GALNTL6: variants seen among roughly 807,000 people sequenced by gnomAD.
GALNTL6 encodes the protein polypeptide N-acetylgalactosaminyltransferase like 6.
In GALNTL6, 46 loss-of-function variants were observed where a neutral mutation model predicts 73.7. The ratio of observed to expected loss-of-function variants is 0.62; its 90% CI spans 0.49 to 0.80. The LOEUF (loss-of-function observed/expected upper bound fraction) is 0.80. GALNTL6 is among the 30% of genes least tolerant of loss of function. GALNTL6 has a pLI of 0.00. For missense variants in GALNTL6, 604 were observed against 755.0 expected, an observed-to-expected ratio of 0.80 and a Z score of 2.34; for synonymous variants, 259 against 263.7, an observed-to-expected ratio of 0.98 and a Z score of 0.17.
intron 12 of GALNTL6, among the ~76,000 whole-genome samples, chr4:173,030,720 G>A (rs1561096763): frequency 6.6e-6 from 1 of 151,402 alleles, no homozygotes; most frequent in South Asian, 2.1e-4. Flanking sequence ...TCTGAGTTAC[G>A]TTTCATCCCT....
chr4:173,012,509 T>C (rs10001693), intron 11 of GALNTL6, among the ~76,000 whole-genome samples: 4,877 of 152,318 alleles, frequency 0.032, 135 homozygotes, highest in African/African-American at 0.071. Context: ...CACAGCCTCA[T>C]GGTATTCTAG....
Position 172,040,710 on chromosome 4 carries a change from GCTAA to G in GALNTL6, c.139-188943_139-188940del, listed in dbSNP as rs1742064498. 2.0e-5 allele frequency among the ~76,000 whole-genome samples: 3 copies of G among 152,022 alleles called. No homozygotes were observed. In the South Asian group the frequency reaches 6.2e-4, roughly 31 times the overall value. ...GCTGATAAAATTGATACTTAAAGAG[GCTAA>G]CTGATTTTTCAAGGTTAGGTGACAA... On this transcript the variant is annotated intron_variant, in intron 2 of 12. Coordinates refer to ENST00000506823, the MANE Select transcript of GALNTL6 (RefSeq NM_001034845.3).
At chr4:172,341,675 C>T (rs971250056) in intron 4 of GALNTL6, among the ~76,000 whole-genome samples, 15 of 152,186 alleles carry the variant, frequency 9.9e-5, no homozygotes, top group Middle Eastern at 3.4e-3. Context: ...ACAGGAGTTT[C>T]TCTGCACAGG....
chr4:171,914,857 TAC>T (rs1560839021), intron 2 of GALNTL6, among the ~76,000 whole-genome samples: 1 of 151,978 alleles, frequency 6.6e-6, no homozygotes, highest in Non-Finnish European at 1.5e-5. Flanking sequence ...AGTATTTTTT[TAC>T]ACAGTTTGAT....
chr4:171,883,961 C>T (rs1247865784), intron 2 of GALNTL6, among the ~76,000 whole-genome samples: 4 of 152,040 alleles, frequency 2.6e-5, no homozygotes, highest in African/African-American at 9.7e-5. Flanking sequence ...ATGTGCTTTT[C>T]TTAGAAGTCA....
chr4:172,796,105 T>G (rs930641006), intron 5 of GALNTL6, among the ~76,000 whole-genome samples: 1 of 151,816 alleles, frequency 6.6e-6, no homozygotes, highest in East Asian at 1.9e-4. Context: ...TTTTTTCCCC[T>G]TCTTTCCAGT....
At chr4:172,366,750 C>T (rs752429999) in intron 5 of GALNTL6, among the ~76,000 whole-genome samples, 3 of 152,150 alleles carry the variant, frequency 2.0e-5, no homozygotes, top group South Asian at 2.1e-4. Flanking sequence ...AAAGAAAAGA[C>T]ATGTCTGTCT....
At chr4:173,023,582 G>C (rs1369918043) in intron 12 of GALNTL6, among the ~76,000 whole-genome samples, 2 of 152,064 alleles carry the variant, frequency 1.3e-5, no homozygotes, top group East Asian at 1.9e-4. Flanking sequence ...GCCTGATCCT[G>C]GGAGGCAGAA....
At chr4:171,931,729 GA>G (rs1482651949) in intron 2 of GALNTL6, among the ~76,000 whole-genome samples, 1 of 152,152 alleles carries the variant, frequency 6.6e-6, no homozygotes, top group Admixed American at 6.5e-5. Context: ...TTAAGAGGAT[GA>G]AAATTGTGCT....
intron 5 of GALNTL6, among the ~76,000 whole-genome samples, chr4:172,580,527 T>C (rs1579208786): frequency 6.6e-6 from 1 of 152,250 alleles, no homozygotes; most frequent in Admixed American, 6.5e-5. Flanking sequence ...ATTCTTTTCT[T>C]TTCTGTTGCT....
At chr4:172,576,071 G>C (rs1736945101) in intron 5 of GALNTL6, among the ~76,000 whole-genome samples, 4 of 152,004 alleles carry the variant, frequency 2.6e-5, no homozygotes, top group Admixed American at 2.6e-4. Context: ...ATCCATCTCT[G>C]CTTTTCTAAG....
chr4:172,417,627 T>C (rs2111354960), intron 5 of GALNTL6, among the ~76,000 whole-genome samples: 1 of 152,168 alleles, frequency 6.6e-6, no homozygotes, highest in East Asian at 1.9e-4. Flanking sequence ...CCAGCCTGGG[T>C]GGCAGAGTGA....
chr4:172,376,477 G>T (rs984518100), intron 5 of GALNTL6, among the ~76,000 whole-genome samples: 8 of 152,166 alleles, frequency 5.3e-5, no homozygotes, highest in Admixed American at 5.2e-4. Flanking sequence ...AAAAGTGGAA[G>T]CTGGTTCCAG....
At chr4:172,327,458 T>G (rs1740981348) in intron 4 of GALNTL6, among the ~76,000 whole-genome samples, 1 of 152,180 alleles carries the variant, frequency 6.6e-6, no homozygotes, top group Non-Finnish European at 1.5e-5. Context: ...CATTGTTAAC[T>G]TTCTGCCTCA....
chr4:172,556,966 G>T (rs990025110), intron 5 of GALNTL6, among the ~76,000 whole-genome samples: 1 of 152,144 alleles, frequency 6.6e-6, no homozygotes, highest in African/African-American at 2.4e-5. Context: ...TTCTATTATA[G>T]AGATTTAGTT....
chr4:172,217,325 T>G (rs541802902), intron 2 of GALNTL6, among the ~76,000 whole-genome samples: 2 of 152,298 alleles, frequency 1.3e-5, no homozygotes, highest in East Asian at 3.9e-4. Context: ...AGGAGTCACA[T>G]TGGAAAGTAA....
intron 2 of GALNTL6, among the ~76,000 whole-genome samples, chr4:171,941,307 C>A (rs560144640): frequency 1.3e-5 from 2 of 152,282 alleles, no homozygotes; most frequent in Admixed American, 1.3e-4. Context: ...TTGATCTTCA[C>A]CCTTTATTTG....
At chr4:172,811,953 G>A (rs756769415) in intron 6 of GALNTL6, among the ~76,000 whole-genome samples, 13 of 152,206 alleles carry the variant, frequency 8.5e-5, no homozygotes, top group East Asian at 3.9e-4. Context: ...TGACTAGCAC[G>A]TAGTTTCTAA....
chr4:172,776,674 G>GA (rs1298741920), intron 5 of GALNTL6, among the ~76,000 whole-genome samples: 3 of 152,180 alleles, frequency 2.0e-5, no homozygotes, highest in South Asian at 2.1e-4. Context: ...GAGGAATGCA[G>GA]AAAAAATGTC....
Sources: gnomAD v4.1 joint callset for allele counts (sites outside exome capture counted in the v4.1 genomes callset) on GRCh38, gnomAD v4.1.1 for gene constraint, MANE v1.5 for transcripts, NCBI Gene and HGNC (gene_info 2026-07-23, HGNC 2026-07-21) for gene names.